Variants in AP3B1 observed in about 807,000 individuals in gnomAD.
AP3B1 encodes AP-3 complex subunit beta-1.
A neutral mutation model predicts 132.5 loss-of-function variants in AP3B1; 61 were observed. The observed-to-expected ratio is 0.46, with a 90% CI of 0.37 to 0.57. The LOEUF is 0.57. Among genes scored for constraint, AP3B1 ranks in the 20% least tolerant of loss-of-function variants. The pLI, the probability that AP3B1 is intolerant of heterozygous loss-of-function variation, is 0.00. For synonymous variants in AP3B1, 388 were observed against 438.3 expected, an observed-to-expected ratio of 0.89 and a Z score of 1.43; for missense variants, 1,120 against 1,289.4, an observed-to-expected ratio of 0.87 and a Z score of 2.01.
chr5:78,056,661 G>T (rs1748827814), intron 22 of AP3B1, among the ~76,000 whole-genome samples: 1 of 152,056 alleles, frequency 6.6e-6, no homozygotes, highest in South Asian at 2.1e-4. Context: ...TCTCTAAAAG[G>T]TTTCTAAATG....
intron 18 of AP3B1, among the ~76,000 whole-genome samples, chr5:78,115,269 C>T (rs1751774994): frequency 6.6e-6 from 1 of 152,010 alleles, no homozygotes; most frequent in African/African-American, 2.4e-5. Context: ...ATAAGGAAGA[C>T]AGAGAAAAGA....
At chr5:78,235,600 A>G (rs1746842978) in intron 3 of AP3B1, among the ~76,000 whole-genome samples, 1 of 152,236 alleles carries the variant, frequency 6.6e-6, no homozygotes, top group Non-Finnish European at 1.5e-5. Context: ...AAGAAAGCCT[A>G]CCTTCCCTGA....
chr5:78,080,891 A>C (rs1413801683), intron 22 of AP3B1, among the ~76,000 whole-genome samples: 1 of 152,196 alleles, frequency 6.6e-6, no homozygotes, highest in Non-Finnish European at 1.5e-5. Context: ...AAACCAGCTA[A>C]ACAATGGTTT....
At chr5:78,100,077 A>T (rs890129624) in intron 21 of AP3B1, among the ~76,000 whole-genome samples, 1 of 152,172 alleles carries the variant, frequency 6.6e-6, no homozygotes, top group African/African-American at 2.4e-5. Context: ...GTAAAACATG[A>T]TTCAAATTTA....
At chr5:78,202,551 C>A (rs1473660890) in intron 7 of AP3B1, among the ~76,000 whole-genome samples, 11 of 56,362 alleles carry the variant, frequency 2.0e-4, no homozygotes, top group Non-Finnish European at 3.6e-4. Flanking sequence ...GCCATATATT[C>A]AGTGTGTGTG....
At chr5:78,108,231 T>C (rs985758335) in intron 20 of AP3B1, among the ~76,000 whole-genome samples, 3 of 152,228 alleles carry the variant, frequency 2.0e-5, no homozygotes, top group Non-Finnish European at 4.4e-5. Context: ...CACTAACATA[T>C]TGTCATGCTA....
intron 17 of AP3B1, among the ~76,000 whole-genome samples, chr5:78,119,279 G>C (rs999272253): frequency 6.6e-6 from 1 of 152,152 alleles, no homozygotes; most frequent in Non-Finnish European, 1.5e-5. Flanking sequence ...AAAAAGCAGA[G>C]TGCCTCTCCT....
At chr5:78,169,086 C>T (rs555834025) in intron 11 of AP3B1, among the ~76,000 whole-genome samples, 99 of 152,164 alleles carry the variant, frequency 6.5e-4, no homozygotes, top group African/African-American at 2.3e-3. Flanking sequence ...TACATTTTTG[C>T]GTGTATGGGC....
intron 3 of AP3B1, among the ~76,000 whole-genome samples, chr5:78,229,772 G>T (rs1479588508): frequency 6.6e-6 from 1 of 151,786 alleles, no homozygotes; most frequent in African/African-American, 2.4e-5. Context: ...TAAAAAAAAA[G>T]TTATATACTC....
At chr5:78,198,636 T>TA (rs1745166810) in intron 7 of AP3B1, among the ~76,000 whole-genome samples, 1 of 152,180 alleles carries the variant, frequency 6.6e-6, no homozygotes, top group Non-Finnish European at 1.5e-5. Context: ...CTAAATATCA[T>TA]CACCCTGGGG....
chr5:78,005,124 A>T (rs1746337332), intron 26 of AP3B1, among the ~76,000 whole-genome samples: 2 of 152,224 alleles, frequency 1.3e-5, no homozygotes, highest in Non-Finnish European at 2.9e-5. Flanking sequence ...CCATTCATTT[A>T]TGCAACTTTT....
chr5:78,168,729 C>T (rs916021734), intron 11 of AP3B1, among the ~76,000 whole-genome samples: 12 of 152,136 alleles, frequency 7.9e-5, no homozygotes, highest in African/African-American at 2.9e-4. Flanking sequence ...GGTCATTAAA[C>T]TGATGCATTA....
At chr5:78,126,408 C>T (rs909370069) in intron 17 of AP3B1, among the ~76,000 whole-genome samples, 1 of 147,050 alleles carries the variant, frequency 6.8e-6, no homozygotes, top group African/African-American at 2.5e-5. Flanking sequence ...GGGAAGCTAA[C>T]GCAGGAGAAT....
chr5:78,054,873 T>C (rs1445447219), intron 22 of AP3B1, among the ~76,000 whole-genome samples: 2 of 152,068 alleles, frequency 1.3e-5, no homozygotes, highest in African/African-American at 4.8e-5. Flanking sequence ...GATGCTTTCT[T>C]TGAATCTGAC....
chr5:78,230,587 T>A (rs1247633725), intron 3 of AP3B1, among the ~76,000 whole-genome samples: 1 of 152,152 alleles, frequency 6.6e-6, no homozygotes, highest in East Asian at 1.9e-4. Context: ...CAAACAGAAA[T>A]AGTCCCCAAA....
intron 22 of AP3B1, chr5:78,044,035 G>C (rs1032785791): frequency 4.9e-5 from 15 of 304,618 alleles, no homozygotes; most frequent in African/African-American, 3.3e-4. Flanking sequence ...AAATCTCCTT[G>C]TTAGAATAGA....
intron 23 of AP3B1, among the ~76,000 whole-genome samples, chr5:78,037,123 C>T (rs978918438): frequency 6.6e-6 from 1 of 152,122 alleles, no homozygotes; most frequent in African/African-American, 2.4e-5. Flanking sequence ...TAAAGTCATA[C>T]TATGAAATTT....
At chr5:78,239,706 G>A (rs896233527) in intron 3 of AP3B1, among the ~76,000 whole-genome samples, 9 of 149,362 alleles carry the variant, frequency 6.0e-5, no homozygotes, top group African/African-American at 2.2e-4. Context: ...TTGAGCCCAG[G>A]AGGTCGAGGC....
chr5:78,182,281 C>A (rs1018531707), intron 7 of AP3B1, among the ~76,000 whole-genome samples: 8 of 152,098 alleles, frequency 5.3e-5, no homozygotes, highest in Admixed American at 6.5e-5. Context: ...AAACAAAAAA[C>A]CAAACAAACA....
Sources: allele counts gnomAD v4.1 joint callset (sites outside exome capture counted in the v4.1 genomes callset), GRCh38; gene constraint gnomAD v4.1.1; transcripts MANE v1.5; gene names NCBI Gene and HGNC (gene_info 2026-07-23, HGNC 2026-07-21).